VAV2: variants seen among roughly 807,000 people sequenced by gnomAD.
VAV2 encodes guanine nucleotide exchange factor VAV2.
A neutral mutation model predicts 132.5 loss-of-function variants in VAV2; 67 were observed. The ratio of observed to expected loss-of-function variants is 0.51; its 90% CI spans 0.42 to 0.62. The LOEUF is 0.62. Among genes scored for constraint, VAV2 ranks in the 20% least tolerant of loss-of-function variants. The pLI is 0.00. For synonymous variants in VAV2, 492 were observed against 443.5 expected, an observed-to-expected ratio of 1.11 and a Z score of -1.37; for missense variants, 938 against 1,153.6, an observed-to-expected ratio of 0.81 and a Z score of 2.71.
At chr9:133,793,954 T>A (rs1275971506) in intron 12 of VAV2, among the ~76,000 whole-genome samples, 2 of 151,980 alleles carry the variant, frequency 1.3e-5, no homozygotes, top group Non-Finnish European at 2.9e-5. Flanking sequence ...GCCCTGAAGT[T>A]TCATGATGAG....
intron 2 of VAV2, among the ~76,000 whole-genome samples, chr9:133,925,369 A>G (rs1840437526): frequency 6.6e-6 from 1 of 152,170 alleles, no homozygotes; most frequent in Non-Finnish European, 1.5e-5. Context: ...GGTGGGTGCC[A>G]CTACATCCTG....
Position 133,970,949 on chromosome 9 carries a change from C to T in VAV2, c.204+21126G>A, listed in dbSNP as rs10124419. Among the ~76,000 whole-genome samples the T allele has an allele frequency of 2.1e-3, 327 of 152,322 alleles. 5 individuals carry two copies. The highest frequency in any genetic ancestry group is 7.6e-3 in the African/African-American group (317 of 41,560). On this transcript the variant is annotated intron_variant, in intron 1 of 29. Coordinates refer to ENST00000371850, the MANE Select transcript of VAV2 (RefSeq NM_001134398.2). ...AAAGAGATGACAGGCCAATTTCTCC[C>T]AAGGTTCATTTGCATGAGAAGGGAA... is the stretch of plus-strand genomic sequence containing the variant.
At chr9:133,951,563 G>A (rs1282999723) in intron 1 of VAV2, among the ~76,000 whole-genome samples, 1 of 152,114 alleles carries the variant, frequency 6.6e-6, no homozygotes, top group Non-Finnish European at 1.5e-5. Context: ...TGGGAGCTGG[G>A]AGCGCTAGAC....
chr9:133,789,788 C>T (rs1274973119), intron 13 of VAV2, among the ~76,000 whole-genome samples: 1 of 152,222 alleles, frequency 6.6e-6, no homozygotes, highest in African/African-American at 2.4e-5. Context: ...CGACTCAGAC[C>T]CCTGTGTGGT....
rs577719993 is a variant in VAV2, at chr9:133,900,971, T to C, written c.321+38132A>G. On this transcript the variant is annotated intron_variant, in intron 2 of 29. Transcript: ENST00000371850. ...CGTGTCATCACGCCCGGCTAATTTT[T>C]GTATTTTTAGTAGAGACGGGGTTTC... is the stretch of plus-strand genomic sequence containing the variant. Among the ~76,000 whole-genome samples the C allele has an allele frequency of 4.0e-5, 6 of 151,496 alleles. No homozygotes were observed. In the Middle Eastern group the frequency reaches 0.01, roughly 261 times the overall value.
Position 133,914,218 on chromosome 9 carries a change from C to T in VAV2, c.321+24885G>A, listed in dbSNP as rs1447936812. Among the ~76,000 whole-genome samples, 3 of 152,162 alleles carry T rather than the reference C, an allele frequency of 2.0e-5. No homozygotes were observed. The East Asian group carries it at 5.8e-4, about 30-fold the overall frequency. Reference sequence around the variant, plus strand: ...CACACATCAGAAAAGGCAGCACTCACTGGGCCAGACACAGAATTACCGTGA... The same window carrying T: ...CACACATCAGAAAAGGCAGCACTCATTGGGCCAGACACAGAATTACCGTGA... On this transcript the variant is annotated intron_variant, in intron 2 of 29. Transcript: ENST00000371850.
rs1748941834 is a variant in VAV2, at chr9:133,840,574, C to G, written c.381-6234G>C. Among the ~76,000 whole-genome samples the G allele has an allele frequency of 6.6e-6, 1 of 152,166 alleles. No individual in the cohort carries two copies. The highest frequency in any genetic ancestry group is 1.5e-5 in the Non-Finnish European group (1 of 68,042). On this transcript the variant is annotated intron_variant, in intron 3 of 29. Coordinates refer to ENST00000371850, the MANE Select transcript of VAV2 (RefSeq NM_001134398.2). The surrounding 1 kb of genome is among the most constrained non-coding windows in gnomAD (Gnocchi z 4.5). ...AGGACACAGACCAGAAAACAGAACA[C>G]CCTACAGGGGTGCCCAAACCCAAAC...
At chr9:133,792,250 T>C (rs1001908432) in intron 12 of VAV2, among the ~76,000 whole-genome samples, 1 of 142,280 alleles carries the variant, frequency 7.0e-6, no homozygotes, top group African/African-American at 2.7e-5. Context: ...ACTGTGTGTA[T>C]AAGCGGGCTG....
intron 1 of VAV2, among the ~76,000 whole-genome samples, chr9:133,954,278 G>A (rs759841385): frequency 2.5e-4 from 38 of 152,276 alleles, no homozygotes; most frequent in Admixed American, 4.6e-4. Context: ...CTGTCCATCC[G>A]CCCACCAGCA....
rs1421553245 is a variant in VAV2 at position 133,828,354 on chromosome 9, C to T, written c.449+5918G>A. Among the ~76,000 whole-genome samples the T allele has an allele frequency of 3.4e-3, 28 of 8,150 alleles. 1 individual carries two copies. Among genetic ancestry groups the T allele is most frequent in the African/African-American group, 5.5e-3 (14 of 2,566 alleles). The allele number at this position is 8,150 out of a possible 152,430, so 5.3% of individuals were successfully genotyped here. ...GCGCCCACTGGGGCTGACCACTGAG[C>T]ACGGGCATCACCACCTACCGCTGCG... On this transcript the variant is annotated intron_variant, in intron 4 of 29. Coordinates refer to ENST00000371850, the MANE Select transcript of VAV2 (RefSeq NM_001134398.2).
In VAV2 at chr9:133,830,984, T is replaced by C. The variant is rs535218672; in HGVS notation, c.449+3288A>G. ...AATAACTGCAGTCATAAAGAGCTCG[T>C]TGGATTAAGGAGGCTCAGTCTTAAT... is the stretch of plus-strand genomic sequence containing the variant. On this transcript the variant is annotated intron_variant, in intron 4 of 29. Coordinates refer to ENST00000371850, the MANE Select transcript of VAV2 (RefSeq NM_001134398.2). 4.6e-5 allele frequency among the ~76,000 whole-genome samples: 7 copies of C among 152,264 alleles called. No homozygotes were observed. The East Asian group carries it at 1.2e-3, about 25-fold the overall frequency.
intron 1 of VAV2, among the ~76,000 whole-genome samples, chr9:133,940,045 T>A (rs903077317): frequency 1.3e-5 from 2 of 152,210 alleles, no homozygotes. Context: ...AGGAAACTTA[T>A]AAGGCAGCAG....
chr9:133,768,385 G>T lies in VAV2; in HGVS notation c.2589+57C>A. ...GTGTGGTGCTAGTCTGCCTGAGCCC[G>T]ACCAGGTAGGGGCTGCAGCGAGGCC... On this transcript the variant is annotated intron_variant, in intron 29 of 29. Coordinates refer to ENST00000371850, the MANE Select transcript of VAV2 (RefSeq NM_001134398.2). This position sits in a 1 kb window ranked among gnomAD's most constrained non-coding sequence, Gnocchi z 5.3. 1 of 1,584,286 alleles carries T rather than the reference G, an allele frequency of 6.3e-7. No homozygotes were observed. Among genetic ancestry groups the T allele is most frequent in the Non-Finnish European group, 8.6e-7 (1 of 1,168,778 alleles).
intron 1 of VAV2, among the ~76,000 whole-genome samples, chr9:133,980,084 G>A (rs1251875837): frequency 6.6e-6 from 1 of 152,244 alleles, no homozygotes; most frequent in Non-Finnish European, 1.5e-5. Context: ...CCGGGAGCAG[G>A]AGGCCCAGGA....
At chr9:133,780,535 C>T (rs1833971121) in intron 20 of VAV2, among the ~76,000 whole-genome samples, 159 bp downstream of exon 20, 1 of 152,152 alleles carries the variant, frequency 6.6e-6, no homozygotes, top group African/African-American at 2.4e-5. Context: ...ATGACACCCA[C>T]CAAGGAAAGC....
chr9:133,832,433 T>C (rs927395456), intron 4 of VAV2, among the ~76,000 whole-genome samples: 8 of 152,220 alleles, frequency 5.3e-5, no homozygotes. Flanking sequence ...CCTCTGGCCA[T>C]GCCACCAGCC....
intron 1 of VAV2, among the ~76,000 whole-genome samples, chr9:133,988,188 G>A (rs905137025): frequency 5.9e-5 from 9 of 152,110 alleles, no homozygotes; most frequent in Admixed American, 2.0e-4. Context: ...GTGTGCGCTC[G>A]AGGGGCCCTG....
intron 1 of VAV2, among the ~76,000 whole-genome samples, chr9:133,945,476 T>C (rs1841325974): frequency 6.6e-6 from 1 of 152,164 alleles, no homozygotes; most frequent in African/African-American, 2.4e-5. Flanking sequence ...CCACATTTGC[T>C]CCGTCAGATG....
intron 5 of VAV2, 93 bp from the exon 6 acceptor site, chr9:133,810,298 CCA>C: frequency 1.3e-6 from 2 of 1,578,892 alleles, no homozygotes; most frequent in Non-Finnish European, 1.7e-6. Flanking sequence ...GAACGCCACC[CCA>C]CAACCAGCCA....
Sources: gnomAD v4.1 joint callset for allele counts (sites outside exome capture counted in the v4.1 genomes callset) on GRCh38, gnomAD v4.1.1 for gene constraint, Gnocchi (gnomAD v3.1) non-coding constraint, MANE v1.5 for transcripts, NCBI Gene and HGNC (gene_info 2026-07-23, HGNC 2026-07-21) for gene names.